Variants in CA5A observed in about 807,000 individuals in gnomAD.
CA5A encodes the protein carbonic anhydrase 5A.
Under a neutral mutation model 37.1 loss-of-function variants are expected in CA5A, and 28 were observed. The ratio of observed to expected loss-of-function variants is 0.75; its 90% CI spans 0.56 to 1.03. The LOEUF (loss-of-function observed/expected upper bound fraction) is 1.03. CA5A is among the 50% of genes least tolerant of loss of function. CA5A has a pLI of 0.00. For synonymous variants in CA5A, 171 were observed against 158.4 expected, an observed-to-expected ratio of 1.08 and a Z score of -0.60; for missense variants, 444 against 399.9, an observed-to-expected ratio of 1.11 and a Z score of -0.94.
rs543047672 is a variant in CA5A, at chr16:87,930,927, G to C, written c.143-3982C>G. ...GGGGAATTTTTGTATTTTTAGTAGAGACGGGGTTTCACCGTGTTGGCTAGG... is the reference window on the plus strand; with the variant it reads ...GGGGAATTTTTGTATTTTTAGTAGACACGGGGTTTCACCGTGTTGGCTAGG... On this transcript the variant is annotated intron_variant, in intron 1 of 6. Transcript: ENST00000649794. 2.0e-5 allele frequency among the ~76,000 whole-genome samples: 3 copies of C among 151,950 alleles called. No individual in the cohort carries two copies. The South Asian group carries it at 6.2e-4, about 32-fold the overall frequency.
intron 5 of CA5A, among the ~76,000 whole-genome samples, chr16:87,894,496 C>G (rs569353858): frequency 2.0e-5 from 3 of 152,090 alleles, no homozygotes; most frequent in African/African-American, 7.2e-5. Flanking sequence ...CAGAAGGAAG[C>G]CCGGGAGTGT....
intron 2 of CA5A, chr16:87,924,400 G>A (rs2056273758): frequency 1.3e-6 from 1 of 791,974 alleles, no homozygotes. Context: ...ACTGTGTAGG[G>A]CCTGGCACAG....
chr16:87,893,142 C>CTTTTT, intron 5 of CA5A: 1 of 478,178 alleles, frequency 2.1e-6, no homozygotes, highest in South Asian at 3.6e-5. Context: ...TTCTTTCTTT[C>CTTTTT]TTTCTTTTTT....
chr16:87,885,185 AAACAAAAC>A (rs1411539473), downstream of CA5A: 1 of 174,734 alleles, frequency 5.7e-6, no homozygotes, highest in Non-Finnish European at 1.2e-5. Flanking sequence ...AAACAAAACA[AAACAAAAC>A]AACAACAACA....
intron 6 of CA5A, among the ~76,000 whole-genome samples, chr16:87,889,746 G>A (rs1018774096): frequency 1.3e-4 from 19 of 151,814 alleles, no homozygotes; most frequent in South Asian, 6.2e-4. Context: ...ACTCCAGCCC[G>A]GGCAAGAAGA....
At chr16:87,913,663 CCT>C (rs1030756963) in intron 2 of CA5A, among the ~76,000 whole-genome samples, 17 of 115,750 alleles carry the variant, frequency 1.5e-4, no homozygotes, top group African/African-American at 5.9e-4. Flanking sequence ...GCCCCCCCCT[CCT>C]CTCCAATACG....
At chr16:87,912,280 C>T (rs535639685) in intron 2 of CA5A, among the ~76,000 whole-genome samples, 14 of 152,048 alleles carry the variant, frequency 9.2e-5, no homozygotes, top group South Asian at 2.1e-4. Context: ...CCAGCCTGGG[C>T]GACAGAGGGA....
rs541466896 is a variant in CA5A at position 87,888,417 on chromosome 16, T to C, written c.775-145A>G. 21 of 726,680 alleles carry C rather than the reference T, an allele frequency of 2.9e-5. No individual in the cohort carries two copies. In the South Asian group the frequency reaches 3.3e-4, roughly 11 times the overall value. 45.0% of individuals were successfully genotyped at this position (726,680 alleles called of 1,614,324 possible). A position where few individuals can be genotyped will look rare whatever the true frequency, so the allele number is the denominator to read the frequency against. On this transcript the variant is annotated intron_variant, in intron 6 of 6. Transcript: ENST00000649794. Reference sequence around the variant, plus strand: ...AATAAATATGGTGGAAGTGATGGTGTGTGCAGGGCCAGATTATAAAAGGCA... The same window carrying C: ...AATAAATATGGTGGAAGTGATGGTGCGTGCAGGGCCAGATTATAAAAGGCA...
In CA5A at chr16:87,911,623, C is replaced by T. The variant is rs146694297; in HGVS notation, c.341-6719G>A. ...CTGTAAAGGGTGACACGGCTGAGGG[C>T]TTCTGTGTGCCACCTCCCCAGGCAG... On this transcript the variant is annotated intron_variant, in intron 2 of 6. Transcript: ENST00000649794. This position sits in a 1 kb window ranked among gnomAD's most constrained non-coding sequence, Gnocchi z 4.6. 2.0e-3 allele frequency among the ~76,000 whole-genome samples: 307 copies of T among 152,232 alleles called. 1 individual carries two copies. The Middle Eastern group carries it at 0.024, about 12-fold the overall frequency.
Position 87,902,424 on chromosome 16 carries a change from C to T in CA5A, c.555+1G>A, listed in dbSNP as rs1839200043. 3.1e-6 allele frequency: 5 copies of T among 1,590,128 alleles called. No individual in the cohort carries two copies. In the South Asian group the frequency reaches 4.4e-5, roughly 14 times the overall value. On this transcript the variant is annotated splice_donor_variant, in intron 4 of 6. Coordinates refer to ENST00000649794, the MANE Select transcript of CA5A (RefSeq NM_001739.2). LOFTEE classifies it high-confidence loss of function. Reference sequence around the variant, plus strand: ...AGATCTACACCCGAGCAAGTGATTACCTTTAAAAACACGCCTATCACAGCC... The same window carrying T: ...AGATCTACACCCGAGCAAGTGATTATCTTTAAAAACACGCCTATCACAGCC...
chr16:87,887,624 A>G (rs1428380451), downstream of CA5A: 2 of 153,360 alleles, frequency 1.3e-5, no homozygotes, highest in Non-Finnish European at 2.9e-5. Flanking sequence ...CGTGTTGGCC[A>G]GGATGGTCTC....
chr16:87,902,087 C>T (rs2055887097), intron 4 of CA5A, 113 bp from the exon 5 acceptor site: 4 of 953,324 alleles, frequency 4.2e-6, no homozygotes, highest in South Asian at 4.1e-5. Flanking sequence ...GGTGCGGTGG[C>T]TCATGCCTGT....
In CA5A at chr16:87,888,140, T is replaced by C; in HGVS notation, c.907A>G (p.Thr303Ala). 1 of 1,613,194 alleles carries C rather than the reference T, an allele frequency of 6.2e-7. No homozygotes were observed. The highest frequency in any genetic ancestry group is 1.1e-5 in the South Asian group (1 of 91,022). ...TGGACCTAATGTCTCTAGGACCTTG[T>C]GCCCTCATTAGTGGCCTGGAAGGAC... The part of the protein sequence containing the change: ...WASFQATNEG[T>A]RS Residue 303 changes from threonine (T) to alanine (A), a missense_variant, in exon 7 of 7, where the codon ACA (threonine) becomes GCA (alanine). Coordinates refer to ENST00000649794, the MANE Select transcript of CA5A (RefSeq NM_001739.2).
chr16:87,933,852 G>A (rs1276265429), intron 1 of CA5A, among the ~76,000 whole-genome samples: 2 of 152,212 alleles, frequency 1.3e-5, no homozygotes, highest in Non-Finnish European at 2.9e-5. Flanking sequence ...TCCTTATGAT[G>A]TTCCAATCTT....
At position 87,917,809 on chromosome 16, in the gene CA5A, A is replaced by G. The variant is rs2056175496; in HGVS notation, c.340+8939T>C. On this transcript the variant is annotated intron_variant, in intron 2 of 6. Coordinates refer to ENST00000649794, the MANE Select transcript of CA5A (RefSeq NM_001739.2). ...ACATGTATACACAGTGCACATGTGC[A>G]CACATGCACACGAACACACATGCAC... Among the ~76,000 whole-genome samples the G allele has an allele frequency of 3.0e-5, 4 of 135,342 alleles. No homozygotes were observed. In the South Asian group the frequency reaches 1.0e-3, roughly 34 times the overall value. The allele number at this position is 135,342 out of a possible 152,430, so 88.8% of individuals were successfully genotyped here.
At chr16:87,914,046 C>T (rs182312587) in intron 2 of CA5A, among the ~76,000 whole-genome samples, 10 of 152,326 alleles carry the variant, frequency 6.6e-5, no homozygotes, top group East Asian at 3.9e-4. Context: ...GCTGGATCTC[C>T]GTGAGTGCCA....
intron 2 of CA5A, among the ~76,000 whole-genome samples, chr16:87,913,657 C>T (rs988228378): frequency 1.5e-5 from 2 of 137,506 alleles, no homozygotes; most frequent in African/African-American, 6.3e-5. Flanking sequence ...GCCGTGGCCC[C>T]CCCCTCCTCT....
intron 2 of CA5A, among the ~76,000 whole-genome samples, chr16:87,906,739 C>T (rs542253839): frequency 5.6e-4 from 86 of 152,340 alleles, no homozygotes; most frequent in African/African-American, 2.1e-3. Context: ...AGCCACAGAG[C>T]TGCTCACTGC....
At chr16:87,926,475 C>T (rs768344087) in intron 2 of CA5A, among the ~76,000 whole-genome samples, 2 of 152,240 alleles carry the variant, frequency 1.3e-5, no homozygotes, top group African/African-American at 2.4e-5. Flanking sequence ...GCGAGCCCCA[C>T]GGGAAGGGGA....
Sources: gnomAD v4.1 joint callset for allele counts (sites outside exome capture counted in the v4.1 genomes callset) on GRCh38, gnomAD v4.1.1 for gene constraint, Gnocchi (gnomAD v3.1) non-coding constraint, MANE v1.5 for transcripts, NCBI Gene and HGNC (gene_info 2026-07-23, HGNC 2026-07-21) for gene names.